The following KDM3A variants were observed in gnomAD, a reference collection of about 807,000 sequenced individuals.
The protein encoded by KDM3A is lysine demethylase 3A.
KDM3A carries 60 observed loss-of-function variants against 158.0 expected under a neutral mutation model. That is an observed-to-expected ratio of 0.38 (90% CI 0.31 to 0.47). The LOEUF (loss-of-function observed/expected upper bound fraction) is 0.47, where lower values mean the gene tolerates loss of function less well. KDM3A is among the 20% of genes least tolerant of loss of function. The pLI is 0.99. For synonymous variants in KDM3A, 608 were observed against 549.3 expected (o/e 1.11, Z -1.49); for missense variants, 1,319 against 1,574.3 (o/e 0.84, Z 2.74).
Position 86,492,347 on chromosome 2 carries a change from A to C in KDM3A, c.*228A>C. ...TAAACTGTGACTTCTCACCTAGTGC[A>C]GAACTTTTACCAGGCTGTAAAAGCA... On this transcript the variant is annotated 3_prime_UTR_variant, in exon 26 of 26. Transcript: ENST00000312912. 1 of 459,536 alleles carries C rather than the reference A, an allele frequency of 2.2e-6. No homozygotes were observed. The highest frequency in any genetic ancestry group is 3.9e-6 in the Non-Finnish European group (1 of 256,526). 28.5% of individuals were successfully genotyped at this position (459,536 alleles called of 1,614,324 possible).
chr2:86,443,296 T>C (rs757736779), intron 2 of KDM3A: 34 of 152,188 alleles, frequency 2.2e-4, no homozygotes, highest in Admixed American at 6.5e-5. Flanking sequence ...TGGCAGTTGA[T>C]TATATGTTGA....
chr2:86,457,167 T>A, intron 8 of KDM3A, 96 bp downstream of exon 8: 1 of 427,772 alleles, frequency 2.3e-6, no homozygotes, highest in Non-Finnish European at 3.8e-6. Context: ...TTATTTTTAT[T>A]TTTTTAGAGA....
upstream of KDM3A, among the ~76,000 whole-genome samples, chr2:86,438,887 A>T (rs1553387759): frequency 6.6e-6 from 1 of 152,050 alleles, no homozygotes; most frequent in Non-Finnish European, 1.5e-5. Context: ...TTATTGGAAC[A>T]TCTAGCTGCT....
intron 9 of KDM3A, among the ~76,000 whole-genome samples, chr2:86,465,011 G>A (rs1336275840): frequency 1.3e-5 from 2 of 152,162 alleles, no homozygotes; most frequent in East Asian, 1.9e-4. Context: ...AAATAGAAAC[G>A]GAGGGAACAT....
At chr2:86,481,796 A>T in intron 16 of KDM3A, 134 bp from the exon 17 acceptor site, 1 of 649,282 alleles carries the variant, frequency 1.5e-6, no homozygotes, top group South Asian at 2.0e-5. Flanking sequence ...TATCATTCAT[A>T]CTTACTCCCT....
At position 86,466,802 on chromosome 2, in the gene KDM3A, C is replaced by T; in HGVS notation, c.1438C>T (p.Arg480Ter). ...GGTAGAACCTTCAGCTTTAGCTTGC[C>T]GATCACAGAATTTAAAGGAATCTTC... ...KKVEPSALAC[R>*]SQNLKESSVK... The change falls in exon 10 of 26, where the codon CGA (arginine) becomes TGA (stop). Residue 480 changes from arginine to a stop codon, truncating the protein, a stop_gained. Transcript: ENST00000312912. LOFTEE classifies it high-confidence loss of function. 3 of 1,613,184 alleles carry T rather than the reference C, an allele frequency of 1.9e-6. No homozygotes were observed. The highest frequency in any genetic ancestry group is 2.5e-6 in the Non-Finnish European group (3 of 1,179,456).
chr2:86,452,305 C>T (rs1412487789), intron 4 of KDM3A, among the ~76,000 whole-genome samples: 8 of 150,604 alleles, frequency 5.3e-5, no homozygotes, highest in Non-Finnish European at 7.4e-5. Context: ...AAGCTTCATT[C>T]GTCTGAGTTA....
At chr2:86,439,664 T>C (rs900998370), upstream of KDM3A, among the ~76,000 whole-genome samples, 1 of 152,132 alleles carries the variant, frequency 6.6e-6, no homozygotes, top group East Asian at 1.9e-4. Flanking sequence ...TTCTGAGATA[T>C]TTATGTCTTC....
chr2:86,489,790 T>G (rs1295640715), intron 23 of KDM3A, 131 bp downstream of exon 23: 2 of 932,738 alleles, frequency 2.1e-6, no homozygotes, highest in East Asian at 5.0e-5. Context: ...ACCTGTCAGA[T>G]TGAATAGGCT....
At chr2:86,454,415 C>G (rs368554142) in intron 4 of KDM3A, among the ~76,000 whole-genome samples, 75 of 152,186 alleles carry the variant, frequency 4.9e-4, no homozygotes, top group African/African-American at 1.7e-3. Context: ...AAAGGGCTGC[C>G]CATTATCAGT....
intron 11 of KDM3A, 75 bp from the exon 12 acceptor site, chr2:86,474,701 T>TTTG (rs1553396793): frequency 0.17 from 72,827 of 426,394 alleles, 5,152 homozygotes; most frequent in East Asian, 0.35. Flanking sequence ...TGTAAATAAG[T>TTTG]TGTGTGTGTG....
Position 86,451,097 on chromosome 2 carries a change from T to C in KDM3A, c.343-6T>C, listed in dbSNP as rs1388973269. On this transcript the variant is annotated splice_polypyrimidine_tract_variant and splice_region_variant and intron_variant, in intron 3 of 25. Coordinates refer to ENST00000312912, the MANE Select transcript of KDM3A (RefSeq NM_018433.6). Reference sequence around the variant, plus strand: ...TATGATGCTAAAGTGTTTTCTTTTGTTTTAGACGTACAAACCTCTGTTGGA... The same window carrying C: ...TATGATGCTAAAGTGTTTTCTTTTGCTTTAGACGTACAAACCTCTGTTGGA... 1.3e-6 allele frequency: 2 copies of C among 1,585,882 alleles called. No homozygotes were observed. Among genetic ancestry groups the C allele is most frequent in the Non-Finnish European group, 1.7e-6 (2 of 1,167,634 alleles).
intron 4 of KDM3A, among the ~76,000 whole-genome samples, chr2:86,454,277 TG>T (rs1009908564): frequency 8.5e-5 from 13 of 152,336 alleles, no homozygotes; most frequent in Non-Finnish European, 1.8e-4. Context: ...AATAGGGTTT[TG>T]GCCTAGGTAA....
intron 10 of KDM3A, 22 bp from the exon 11 acceptor site, chr2:86,470,182 C>T: frequency 6.2e-7 from 1 of 1,610,240 alleles, no homozygotes. Flanking sequence ...GGTCCTGTCT[C>T]CTTAATCTTT....
chr2:86,467,250 C>G (rs1172534911), intron 10 of KDM3A: 1 of 157,978 alleles, frequency 6.3e-6, no homozygotes, highest in Non-Finnish European at 1.4e-5. Flanking sequence ...GTTCCCAATT[C>G]TTAGGTTAAG....
chr2:86,468,505 ATATGT>A (rs1301727073), intron 10 of KDM3A, among the ~76,000 whole-genome samples: 2 of 152,140 alleles, frequency 1.3e-5, no homozygotes, highest in African/African-American at 2.4e-5. Context: ...GTCTCATTTA[ATATGT>A]TATGTAGCTA....
chr2:86,490,833 G>T, intron 23 of KDM3A, 48 bp from the exon 24 acceptor site: 2 of 1,465,290 alleles, frequency 1.4e-6, no homozygotes, highest in Non-Finnish European at 1.9e-6. Context: ...ATGGCTTATT[G>T]GGCCTTAGCA....
chr2:86,464,151 A>G lies in KDM3A; in HGVS notation c.942A>G (p.Pro314=). ...CTAATPPSKD[P]RQQSTPQAAN... is the part of the protein sequence containing the mutation. ...CGGCAACTCCACCTAGTAAGGACCC[A>G]AGACAGCAAAGTACTCCCCAGGCTG... The change falls in exon 9 of 26, where the codon CCA becomes CCG. Residue 314 remains proline, a synonymous_variant. Transcript: ENST00000312912. 6.2e-7 allele frequency: 1 copy of G among 1,612,738 alleles called. No homozygotes were observed. The highest frequency in any genetic ancestry group is 1.1e-5 in the South Asian group (1 of 90,976).
At position 86,481,286 on chromosome 2, in the gene KDM3A, A is replaced by G. The variant is rs562302420; in HGVS notation, c.2513-644A>G. Among the ~76,000 whole-genome samples, 10 of 152,298 alleles carry G rather than the reference A, an allele frequency of 6.6e-5. No homozygotes were observed. The South Asian group carries it at 2.1e-3, about 32-fold the overall frequency. On this transcript the variant is annotated intron_variant, in intron 16 of 25. Transcript: ENST00000312912. ...TTTGAGACGGAATCTTGCTCTGTCC[A>G]GCCAGGCTGGAGTGCAGTGGCATGA...
Sources: allele counts gnomAD v4.1 joint callset (sites outside exome capture counted in the v4.1 genomes callset), GRCh38; gene constraint gnomAD v4.1.1; transcripts MANE v1.5; gene names NCBI Gene and HGNC (gene_info 2026-07-23, HGNC 2026-07-21).